Variants in MAF observed in about 807,000 individuals in gnomAD.
The protein encoded by MAF is transcription factor Maf.
In MAF, 10 loss-of-function variants were observed where a neutral mutation model predicts 22.0. That is an observed-to-expected ratio of 0.45 (90% confidence interval 0.28 to 0.77). The LOEUF (loss-of-function observed/expected upper bound fraction) is 0.77. Among genes scored for constraint, MAF ranks in the 30% least tolerant of loss-of-function variants. MAF has a pLI of 0.12. For synonymous variants in MAF, 337 were observed against 255.8 expected (o/e 1.32, Z -3.03); for missense variants, 544 against 548.4 (o/e 0.99, Z 0.08).
the MAF span, among the ~76,000 whole-genome samples, chr16:79,566,299 A>G: frequency 6.6e-6 from 1 of 152,186 alleles, no homozygotes; most frequent in Non-Finnish European, 1.5e-5. Flanking sequence ...CCAATGTGGG[A>G]CAGATTAATC....
the MAF span, among the ~76,000 whole-genome samples, chr16:79,272,996 A>G: frequency 6.6e-6 from 1 of 152,250 alleles, no homozygotes; most frequent in Non-Finnish European, 1.5e-5. Flanking sequence ...TCTAAATTAT[A>G]AAATACAGAA....
the MAF span, among the ~76,000 whole-genome samples, chr16:79,305,902 G>A: frequency 2.0e-5 from 3 of 152,168 alleles, no homozygotes; most frequent in South Asian, 2.1e-4. Context: ...TGGGACCACA[G>A]CATGCTTTTC....
the MAF span, chr16:79,211,820 C>T: frequency 3.1e-6 from 5 of 1,613,442 alleles, no homozygotes; most frequent in African/African-American, 1.3e-5. Flanking sequence ...CGGATGGGCA[C>T]ACACACCCGC....
the MAF span, among the ~76,000 whole-genome samples, chr16:79,344,970 G>C: frequency 8.9e-4 from 136 of 152,250 alleles, no homozygotes; most frequent in Middle Eastern, 0.014. Flanking sequence ...CCACTCCCAG[G>C]CTGTTGTGTG....
At chr16:79,492,912 G>C in the MAF span, among the ~76,000 whole-genome samples, 1 of 152,128 alleles carries the variant, frequency 6.6e-6, no homozygotes, top group Non-Finnish European at 1.5e-5. Flanking sequence ...CTGCAGAACT[G>C]GTTATGATCT....
the MAF span, among the ~76,000 whole-genome samples, chr16:79,309,168 T>G: frequency 6.6e-6 from 1 of 152,104 alleles, no homozygotes; most frequent in Non-Finnish European, 1.5e-5. Context: ...CAATAAGCCA[T>G]GATACAGGAA....
chr16:79,394,138 T>G, the MAF span, among the ~76,000 whole-genome samples: 3 of 152,132 alleles, frequency 2.0e-5, no homozygotes, highest in Non-Finnish European at 4.4e-5. Flanking sequence ...GAGAGCAAAA[T>G]AAATCAAAAG....
chr16:79,216,183 A>G, the MAF span, among the ~76,000 whole-genome samples: 3 of 140,098 alleles, frequency 2.1e-5, no homozygotes, highest in Middle Eastern at 3.5e-3. Flanking sequence ...GTGTATATGT[A>G]TATATGTCGT....
At chr16:79,313,779 C>A in the MAF span, among the ~76,000 whole-genome samples, 7 of 152,136 alleles carry the variant, frequency 4.6e-5, no homozygotes, top group Non-Finnish European at 8.8e-5. Context: ...AGGATTTCAG[C>A]TCAGGTTTCC....
the MAF span, among the ~76,000 whole-genome samples, chr16:79,520,535 A>G: frequency 1.3e-5 from 2 of 152,074 alleles, no homozygotes; most frequent in African/African-American, 2.4e-5. Flanking sequence ...TGAAATCTGG[A>G]TAAGTAGTAC....
chr16:79,228,269 TG>T, the MAF span, among the ~76,000 whole-genome samples: 3 of 152,026 alleles, frequency 2.0e-5, no homozygotes, highest in African/African-American at 7.2e-5. Flanking sequence ...AGGGAAAGAA[TG>T]AAAAATATGC....
At chr16:79,368,429 T>C in the MAF span, among the ~76,000 whole-genome samples, 3 of 152,162 alleles carry the variant, frequency 2.0e-5, no homozygotes, top group East Asian at 5.8e-4. Context: ...CGATTGTGTA[T>C]TTTACAGAGT....
At chr16:79,212,189 G>C in the MAF span, 4 of 1,466,702 alleles carry the variant, frequency 2.7e-6, no homozygotes, top group Non-Finnish European at 3.6e-6. Context: ...CCGGGGGCTG[G>C]CCTTCTCCTA....
the MAF span, among the ~76,000 whole-genome samples, chr16:79,442,293 C>T: frequency 1.4e-4 from 21 of 152,204 alleles, no homozygotes; most frequent in South Asian, 3.7e-3. Context: ...GGGAAGCAAC[C>T]GAAAGAACTA....
chr16:79,351,097 C>G, the MAF span, among the ~76,000 whole-genome samples: 1 of 152,164 alleles, frequency 6.6e-6, no homozygotes, highest in Non-Finnish European at 1.5e-5. Flanking sequence ...GTGGCATGCT[C>G]ACTTGAAATG....
the MAF span, chr16:79,212,869 T>G: frequency 1.3e-5 from 2 of 152,122 alleles, no homozygotes; most frequent in African/African-American, 4.8e-5. Context: ...GTGGGCCAAG[T>G]TGTCTCACGC....
chr16:79,386,347 G>C, the MAF span, among the ~76,000 whole-genome samples: 7 of 152,130 alleles, frequency 4.6e-5, no homozygotes, highest in Admixed American at 3.9e-4. Context: ...AGATCATCAG[G>C]CATTAGATTC....
chr16:79,278,666 G>T, the MAF span, among the ~76,000 whole-genome samples: 1 of 151,952 alleles, frequency 6.6e-6, no homozygotes, highest in African/African-American at 2.4e-5. Context: ...TTGGGGTTTC[G>T]TGGGTAGAAG....
At chr16:79,543,228 C>T in the MAF span, among the ~76,000 whole-genome samples, 5 of 152,222 alleles carry the variant, frequency 3.3e-5, no homozygotes, top group Non-Finnish European at 7.3e-5. Context: ...TCCATGCTAG[C>T]TGGGTCTGTC....
Sources: allele counts gnomAD v4.1 joint callset (sites outside exome capture counted in the v4.1 genomes callset), GRCh38; gene constraint gnomAD v4.1.1; transcripts MANE v1.5; gene names NCBI Gene and HGNC (gene_info 2026-07-23, HGNC 2026-07-21).